SULF1: variants seen among roughly 807,000 people sequenced by gnomAD.
SULF1 encodes the protein sulfatase 1, also known as extracellular sulfatase Sulf-1.
In SULF1, 46 loss-of-function variants were observed where a neutral mutation model predicts 110.5. The observed-to-expected ratio is 0.42, with a 90% CI of 0.33 to 0.53. The LOEUF (loss-of-function observed/expected upper bound fraction) is 0.53, where lower values mean the gene tolerates loss of function less well. Ranked by LOEUF, SULF1 falls within the 20% of genes least tolerant of loss-of-function variation. SULF1 has a pLI of 0.12. For synonymous variants in SULF1, 371 were observed against 387.1 expected (o/e 0.96, Z 0.49); for missense variants, 941 against 1,094.2 (o/e 0.86, Z 1.98).
chr8:69,603,022 T>C (rs566100833), intron 10 of SULF1, among the ~76,000 whole-genome samples, 170 bp from the exon 11 acceptor site: 17 of 152,262 alleles, frequency 1.1e-4, no homozygotes, highest in Non-Finnish European at 2.4e-4. Context: ...CTCAGTGCCA[T>C]TGCTGTGATC....
At chr8:69,538,476 C>T (rs1184575603) in intron 3 of SULF1, among the ~76,000 whole-genome samples, 1 of 152,132 alleles carries the variant, frequency 6.6e-6, no homozygotes, top group Non-Finnish European at 1.5e-5. Flanking sequence ...TACCAGCCTC[C>T]AGGAGTCTGC....
intron 19 of SULF1, 40 bp from the exon 20 acceptor site, chr8:69,638,462 C>T: frequency 1.3e-6 from 2 of 1,598,054 alleles, no homozygotes; most frequent in Non-Finnish European, 1.7e-6. Flanking sequence ...AGGTTTTTCA[C>T]TCTTTTTGTT....
chr8:69,599,085 G>A (rs549377848), intron 8 of SULF1, among the ~76,000 whole-genome samples: 2 of 152,300 alleles, frequency 1.3e-5, no homozygotes, highest in South Asian at 4.1e-4. Flanking sequence ...GTGAATCTCA[G>A]AAACTCCAGG....
chr8:69,488,606 G>T (rs1262534079), upstream of SULF1, among the ~76,000 whole-genome samples: 1 of 152,152 alleles, frequency 6.6e-6, no homozygotes, highest in African/African-American at 2.4e-5. Flanking sequence ...ATTCCATTTA[G>T]TATTACTACT....
chr8:69,511,096 A>G (rs1811529892), intron 3 of SULF1, among the ~76,000 whole-genome samples: 1 of 152,222 alleles, frequency 6.6e-6, no homozygotes, highest in Non-Finnish European at 1.5e-5. Context: ...CCTCACACAT[A>G]ATAGTAATAA....
intron 3 of SULF1, among the ~76,000 whole-genome samples, chr8:69,558,012 C>T (rs1815229640): frequency 6.6e-6 from 1 of 152,148 alleles, no homozygotes; most frequent in Admixed American, 6.5e-5. Flanking sequence ...AACAGGCTTT[C>T]TGGAGATTAA....
chr8:69,568,831 G>A (rs886764416), intron 5 of SULF1, among the ~76,000 whole-genome samples: 4 of 152,168 alleles, frequency 2.6e-5, no homozygotes, highest in Admixed American at 6.5e-5. Flanking sequence ...AGTGATGACC[G>A]AGAGCATCAG....
At chr8:69,547,510 A>T (rs1814353573) in intron 3 of SULF1, among the ~76,000 whole-genome samples, 2 of 152,204 alleles carry the variant, frequency 1.3e-5, no homozygotes, top group Non-Finnish European at 2.9e-5. Context: ...GAAACGTTTG[A>T]CTTTCATCTA....
rs781689532 is a variant in SULF1 at position 69,600,657 on chromosome 8, C to T, written c.789C>T (p.Tyr263=). 96 of 1,613,892 alleles carry T rather than the reference C, an allele frequency of 5.9e-5. No individual in the cohort carries two copies. The South Asian group carries it at 1.0e-3, about 17-fold the overall frequency. The change falls in exon 9 of 23, where the codon TAC becomes TAT. Residue 263 remains tyrosine, a synonymous_variant. Coordinates refer to ENST00000402687, the MANE Select transcript of SULF1 (RefSeq NM_001128205.2). ...TGGATAAACACTGGATTATGCAGTA[C>T]ACAGGACCAATGCTGCCCATCCACA... The part of the protein sequence containing the change: ...PNMDKHWIMQ[Y]TGPMLPIHME...
intron 7 of SULF1, among the ~76,000 whole-genome samples, chr8:69,588,492 G>A (rs1032266119): frequency 6.6e-6 from 1 of 152,094 alleles, no homozygotes; most frequent in African/African-American, 2.4e-5. Context: ...GTATTCATGG[G>A]CGTGTGTGTG....
intron 8 of SULF1, 101 bp from the exon 9 acceptor site, chr8:69,600,502 C>A: frequency 8.5e-7 from 1 of 1,174,148 alleles, no homozygotes; most frequent in African/African-American, 1.5e-5. Context: ...TTAGCAGTGT[C>A]TCAATTATCT....
intron 3 of SULF1, among the ~76,000 whole-genome samples, chr8:69,555,076 G>A (rs1333215882): frequency 6.7e-6 from 1 of 150,124 alleles, no homozygotes; most frequent in African/African-American, 2.5e-5. Flanking sequence ...AAAGGCATTG[G>A]CTTTAATAGG....
chr8:69,568,014 GT>G (rs954724950), intron 5 of SULF1, among the ~76,000 whole-genome samples: 11 of 152,116 alleles, frequency 7.2e-5, no homozygotes, highest in African/African-American at 2.7e-4. Context: ...TTCTGGTTTT[GT>G]TTTTAATAGT....
chr8:69,622,307 G>A (rs1022962608), intron 14 of SULF1, among the ~76,000 whole-genome samples: 9 of 152,064 alleles, frequency 5.9e-5, no homozygotes, highest in East Asian at 1.9e-4. Flanking sequence ...GGCCAGGCGC[G>A]GTGACTCACA....
intron 1 of SULF1, among the ~76,000 whole-genome samples, chr8:69,472,634 C>T (rs765773141): frequency 2.6e-5 from 4 of 152,202 alleles, no homozygotes; most frequent in Non-Finnish European, 5.9e-5. Flanking sequence ...GAAACTGGAA[C>T]TGCCTGGGAT....
At chr8:69,554,649 G>C (rs550972239) in intron 3 of SULF1, among the ~76,000 whole-genome samples, 11 of 150,160 alleles carry the variant, frequency 7.3e-5, no homozygotes, top group South Asian at 2.1e-4. Flanking sequence ...CTCTTGAGTT[G>C]TTAGCCTTTC....
Position 69,623,812 on chromosome 8 carries a change from C to T in SULF1, c.1595-130C>T, listed in dbSNP as rs187954279. 346 of 1,081,916 alleles carry T rather than the reference C, an allele frequency of 3.2e-4. 1 individual carries two copies. The African/African-American group carries it at 4.1e-3, about 13-fold the overall frequency. The allele number at this position is 1,081,916 out of a possible 1,614,324, so 67.0% of individuals were successfully genotyped here. ...CTGCTACCGTGAATTGCAGGCACCA[C>T]GATGCCACTCAGCAATGCAGCATGG... On this transcript the variant is annotated intron_variant, in intron 14 of 22. Coordinates refer to ENST00000402687, the MANE Select transcript of SULF1 (RefSeq NM_001128205.2).
Position 69,658,518 on chromosome 8 carries a change from G to T in SULF1, c.2599G>T (p.Asp867Tyr), listed in dbSNP as rs746739276. The change falls in exon 23 of 23, where the codon GAT becomes TAT. Residue 867 changes from aspartate (D) to tyrosine (Y), a missense_variant. Physicochemically the swap from Asp to Tyr is radical, Grantham distance 160. This residue lies in a region of SULF1 where 112 missense variants were observed against 133.5 expected (regional missense o/e 0.84). Transcript: ENST00000402687. Reference protein sequence around the residue: ...SYDLHRGQLWDGWEG With the variant: ...SYDLHRGQLWYGWEG ...CTCTTTTCACAGAGGACAGTTATGG[G>T]ATGGATGGGAAGGTTAATCAGCCCC... 1.1e-5 allele frequency: 18 copies of T among 1,606,564 alleles called. No homozygotes were observed. Among genetic ancestry groups the T allele is most frequent in the Non-Finnish European group, 1.4e-5 (17 of 1,176,054 alleles).
chr8:69,504,442 C>T (rs938923160), intron 3 of SULF1, among the ~76,000 whole-genome samples: 1 of 152,038 alleles, frequency 6.6e-6, no homozygotes, highest in Non-Finnish European at 1.5e-5. Flanking sequence ...GTAATCCCAG[C>T]TTATCAAGAG....
Sources: gnomAD v4.1 joint callset for allele counts (sites outside exome capture counted in the v4.1 genomes callset) on GRCh38, gnomAD v4.1.1 for gene constraint, gnomAD v4.1.1 regional missense constraint, MANE v1.5 for transcripts, NCBI Gene and HGNC (gene_info 2026-07-23, HGNC 2026-07-21) for gene names.